Variants in ARHGEF3 observed in about 807,000 individuals in gnomAD.
The protein encoded by ARHGEF3 is Rho guanine nucleotide exchange factor 3, also known as 59.8 kDA protein.
In ARHGEF3, 28 loss-of-function variants were observed where a neutral mutation model predicts 63.2. That is an observed-to-expected ratio of 0.44 (90% CI 0.33 to 0.61). The LOEUF is 0.61. Among genes scored for constraint, ARHGEF3 ranks in the 20% least tolerant of loss-of-function variants. The probability of loss-of-function intolerance (pLI) is 0.03; values close to 1 mark genes in which losing one functional copy is unlikely to be tolerated. For missense variants in ARHGEF3, 533 were observed against 659.3 expected, an observed-to-expected ratio of 0.81 and a Z score of 2.10; for synonymous variants, 266 against 254.2, an observed-to-expected ratio of 1.05 and a Z score of -0.44.
At chr3:57,052,293 G>A (rs1215373587) in intron 1 of ARHGEF3, among the ~76,000 whole-genome samples, 2 of 152,122 alleles carry the variant, frequency 1.3e-5, no homozygotes, top group Admixed American at 6.6e-5. Context: ...TCTGGCTCCA[G>A]AGCCTACATT....
intron 4 of ARHGEF3, among the ~76,000 whole-genome samples, chr3:56,853,807 T>C (rs1257419168): frequency 1.3e-5 from 2 of 152,198 alleles, no homozygotes; most frequent in African/African-American, 4.8e-5. Flanking sequence ...TTGCAGGCAC[T>C]TACACGCCAA....
intron 4 of ARHGEF3, among the ~76,000 whole-genome samples, chr3:56,845,587 T>C (rs1054984860): frequency 6.6e-6 from 1 of 152,200 alleles, no homozygotes; most frequent in African/African-American, 2.4e-5. Context: ...GAGAGAACAG[T>C]ATACGTTTTA....
intron 2 of ARHGEF3, among the ~76,000 whole-genome samples, chr3:57,026,417 T>C (rs1294851736): frequency 6.6e-6 from 1 of 152,042 alleles, no homozygotes; most frequent in Non-Finnish European, 1.5e-5. Context: ...TAAAAGAGGT[T>C]TGGATGCCTC....
At chr3:56,859,550 G>C (rs1038961578) in intron 4 of ARHGEF3, among the ~76,000 whole-genome samples, 11 of 147,958 alleles carry the variant, frequency 7.4e-5, no homozygotes, top group African/African-American at 2.7e-4. Context: ...TTTTTTTTGA[G>C]ACAGGGTCTC....
intron 3 of ARHGEF3, 89 bp from the exon 4 acceptor site, chr3:56,753,655 C>A (rs2107765559): frequency 9.1e-7 from 1 of 1,100,786 alleles, no homozygotes; most frequent in Non-Finnish European, 1.4e-6. Flanking sequence ...CTCAAAACCC[C>A]AAATTTACAT....
intron 2 of ARHGEF3, among the ~76,000 whole-genome samples, chr3:56,962,438 T>C (rs557428103): frequency 6.6e-6 from 1 of 152,342 alleles, no homozygotes; most frequent in South Asian, 2.1e-4. Context: ...CTATCGTCTG[T>C]GTCCAGCCCT....
intron 3 of ARHGEF3, among the ~76,000 whole-genome samples, chr3:56,896,711 G>GT (rs2041313758): frequency 6.6e-6 from 1 of 152,160 alleles, no homozygotes; most frequent in Admixed American, 6.5e-5. Flanking sequence ...TTTACTAGAT[G>GT]TTTTTTCATG....
chr3:56,869,960 C>A (rs966007044), intron 4 of ARHGEF3, among the ~76,000 whole-genome samples: 1 of 151,858 alleles, frequency 6.6e-6, no homozygotes, highest in Non-Finnish European at 1.5e-5. Flanking sequence ...TTCACAACTA[C>A]AATTTATATA....
At chr3:56,999,966 A>C (rs1579056269) in intron 2 of ARHGEF3, among the ~76,000 whole-genome samples, 1 of 151,988 alleles carries the variant, frequency 6.6e-6, no homozygotes, top group African/African-American at 2.4e-5. Flanking sequence ...ATATGCTTGA[A>C]CCCTGACTCT....
intron 4 of ARHGEF3, among the ~76,000 whole-genome samples, chr3:56,813,581 C>T (rs144519337): frequency 6.6e-6 from 1 of 152,078 alleles, no homozygotes; most frequent in East Asian, 1.9e-4. Flanking sequence ...CACTTTACTC[C>T]CAGAAGTGTT....
chr3:56,821,279 G>A (rs774079756), intron 4 of ARHGEF3, among the ~76,000 whole-genome samples: 2 of 152,204 alleles, frequency 1.3e-5, no homozygotes, highest in Non-Finnish European at 2.9e-5. Context: ...AAAACACAGT[G>A]TAGTGAGACT....
intron 6 of ARHGEF3, 151 bp from the exon 7 acceptor site, chr3:56,745,613 G>A: frequency 3.2e-6 from 3 of 925,988 alleles, no homozygotes; most frequent in Non-Finnish European, 4.7e-6. Flanking sequence ...GGAAACTAGT[G>A]GAATCTTCAA....
intron 3 of ARHGEF3, among the ~76,000 whole-genome samples, chr3:56,953,068 T>C (rs1282857979): frequency 6.6e-6 from 1 of 152,214 alleles, no homozygotes; most frequent in Non-Finnish European, 1.5e-5. Context: ...ACATACTATC[T>C]ACCAGGCGGG....
intron 3 of ARHGEF3, chr3:56,940,275 T>C (rs902438612): frequency 6.6e-6 from 1 of 152,280 alleles, no homozygotes; most frequent in Admixed American, 6.5e-5. Context: ...TTCCTGTCAC[T>C]TGCAACTAGG....
At chr3:56,747,739 G>A (rs1159221160) in intron 6 of ARHGEF3, among the ~76,000 whole-genome samples, 4 of 152,228 alleles carry the variant, frequency 2.6e-5, no homozygotes, top group East Asian at 1.9e-4. Context: ...CACAAGAATC[G>A]CTTGAACCCA....
In ARHGEF3 at chr3:56,968,665, A is replaced by G. The variant is rs1186387390; in HGVS notation, c.63-9776T>C. ...TTTTAAAAGTAAAAAGGAATAGATA[A>G]GTTTAGTTTTAATAGTATAGTTTAT... On this transcript the variant is annotated intron_variant, in intron 2 of 12. Transcript: ENST00000338458. Among the ~76,000 whole-genome samples the G allele has an allele frequency of 5.3e-5, 8 of 151,784 alleles. 1 individual carries two copies. Among genetic ancestry groups the G allele is most frequent in the African/African-American group, 1.5e-4 (6 of 41,218 alleles).
chr3:56,808,352 C>G (rs563183476), intron 4 of ARHGEF3, among the ~76,000 whole-genome samples: 11 of 152,222 alleles, frequency 7.2e-5, no homozygotes, highest in African/African-American at 2.6e-4. Context: ...GATGACGAAG[C>G]AGGAGGATTG....
upstream of ARHGEF3, among the ~76,000 whole-genome samples, chr3:56,805,845 G>A (rs1220078108): frequency 6.6e-6 from 1 of 152,128 alleles, no homozygotes; most frequent in Non-Finnish European, 1.5e-5. Flanking sequence ...AGGAAAGATG[G>A]GAATCTGGAA....
At chr3:57,021,235 AAAAAAC>A (rs1380766296) in intron 2 of ARHGEF3, among the ~76,000 whole-genome samples, 2 of 152,254 alleles carry the variant, frequency 1.3e-5, no homozygotes, top group African/African-American at 4.8e-5. Context: ...GAGTCAAAAG[AAAAAAC>A]AAAAACAGAT....
Sources: gnomAD v4.1 joint callset for allele counts (sites outside exome capture counted in the v4.1 genomes callset) on GRCh38, gnomAD v4.1.1 for gene constraint, MANE v1.5 for transcripts, NCBI Gene and HGNC (gene_info 2026-07-23, HGNC 2026-07-21) for gene names.